Variants in CACNA1E observed in about 807,000 individuals in gnomAD.
CACNA1E encodes voltage-dependent R-type calcium channel subunit alpha-1E.
Under a neutral mutation model 259.2 loss-of-function variants are expected in CACNA1E, and 40 were observed. The ratio of observed to expected loss-of-function variants is 0.15; its 90% CI spans 0.12 to 0.20. CACNA1E has a LOEUF of 0.20. CACNA1E is among the 10% of genes least tolerant of loss of function. The probability of loss-of-function intolerance (pLI) is 1.00; values close to 1 mark genes in which losing one functional copy is unlikely to be tolerated. For synonymous variants in CACNA1E, 1,104 were observed against 1,138.5 expected, an observed-to-expected ratio of 0.97 and a Z score of 0.61; for missense variants, 1,874 against 3,040.1, an observed-to-expected ratio of 0.62 and a Z score of 9.02.
chr1:181,336,950 A>C (rs1244421103), intron 1 of CACNA1E, among the ~76,000 whole-genome samples: 2 of 149,986 alleles, frequency 1.3e-5, no homozygotes, highest in African/African-American at 4.9e-5. Flanking sequence ...ACATAGATAT[A>C]ATGCAAAGAA....
At chr1:181,740,579 G>A (rs1656474610) in intron 25 of CACNA1E, among the ~76,000 whole-genome samples, 1 of 152,184 alleles carries the variant, frequency 6.6e-6, no homozygotes, top group Non-Finnish European at 1.5e-5. Context: ...ACTCCCAGCT[G>A]TGCTAGGAGT....
At chr1:181,595,503 A>G (rs1200684200) in intron 6 of CACNA1E, among the ~76,000 whole-genome samples, 3 of 151,976 alleles carry the variant, frequency 2.0e-5, no homozygotes, top group African/African-American at 7.3e-5. Context: ...CCTTTCTCCT[A>G]GTGTTTTCAG....
chr1:181,501,050 T>C (rs1490887475), intron 1 of CACNA1E, among the ~76,000 whole-genome samples: 1 of 152,248 alleles, frequency 6.6e-6, no homozygotes, highest in African/African-American at 2.4e-5. Flanking sequence ...AATTCTCGTT[T>C]CTGAAACAGG....
At chr1:181,748,267 G>C (rs1657283092) in intron 25 of CACNA1E, among the ~76,000 whole-genome samples, 1 of 152,132 alleles carries the variant, frequency 6.6e-6, no homozygotes, top group Non-Finnish European at 1.5e-5. Flanking sequence ...TACCATTAAG[G>C]AACCCTGTTT....
chr1:181,444,087 A>AT (rs1660658049), intron 2 of CACNA1E, among the ~76,000 whole-genome samples: 1 of 151,994 alleles, frequency 6.6e-6, no homozygotes, highest in Admixed American at 6.5e-5. Context: ...TGGTTCATCT[A>AT]TTTTTTCTCA....
chr1:181,480,498 T>C (rs1457286834), upstream of CACNA1E, among the ~76,000 whole-genome samples: 1 of 152,216 alleles, frequency 6.6e-6, no homozygotes, highest in Non-Finnish European at 1.5e-5. Flanking sequence ...CATTTGCACA[T>C]GTAGTATCCC....
At chr1:181,634,814 A>G (rs922625478) in intron 6 of CACNA1E, among the ~76,000 whole-genome samples, 1 of 152,176 alleles carries the variant, frequency 6.6e-6, no homozygotes, top group Non-Finnish European at 1.5e-5. Context: ...CTCCTACTCC[A>G]GGTATGTCCC....
intron 7 of CACNA1E, among the ~76,000 whole-genome samples, chr1:181,663,677 T>G (rs1647913820): frequency 6.6e-6 from 1 of 152,176 alleles, no homozygotes; most frequent in Admixed American, 6.5e-5. Context: ...GTACTGGAGA[T>G]CCTCGAAAAA....
chr1:181,423,563 T>C (rs631583), intron 2 of CACNA1E, among the ~76,000 whole-genome samples: 95,058 of 152,062 alleles, frequency 0.63, 30,766 homozygotes, highest in African/African-American at 0.79. Context: ...ACAGTCTCAC[T>C]GGCATTCACA....
chr1:181,545,833 C>G (rs574514358), intron 3 of CACNA1E, among the ~76,000 whole-genome samples: 2 of 152,206 alleles, frequency 1.3e-5, no homozygotes, highest in African/African-American at 4.8e-5. Flanking sequence ...TTTTCTTGGC[C>G]CAAGGCTCCC....
intron 18 of CACNA1E, among the ~76,000 whole-genome samples, chr1:181,730,548 G>A (rs1213488941): frequency 6.6e-6 from 1 of 152,226 alleles, no homozygotes; most frequent in Non-Finnish European, 1.5e-5. Flanking sequence ...CAGGGTCTAT[G>A]GCCAGGGCCT....
chr1:181,775,502 C>T (rs1276744408), intron 37 of CACNA1E, among the ~76,000 whole-genome samples: 1 of 152,190 alleles, frequency 6.6e-6, no homozygotes, highest in Non-Finnish European at 1.5e-5. Flanking sequence ...GCAAATGTCA[C>T]TTTATCTCTC....
In CACNA1E at chr1:181,569,073, C is replaced by T. The variant is rs1285168102; in HGVS notation, c.513-8693C>T. Among the ~76,000 whole-genome samples, 2 of 152,242 alleles carry T rather than the reference C, an allele frequency of 1.3e-5. 1 individual carries two copies. Among genetic ancestry groups the T allele is most frequent in the Non-Finnish European group, 2.9e-5 (2 of 68,046 alleles). ...TTCCCACATTGTTTCCTCTGACCTA[C>T]TCCAGCTTCACTTTTTAGCTCATCT... On this transcript the variant is annotated intron_variant, in intron 3 of 47. Coordinates refer to ENST00000367573, the MANE Select transcript of CACNA1E (RefSeq NM_001205293.3).
chr1:181,641,744 C>T (rs1402626909), intron 6 of CACNA1E, among the ~76,000 whole-genome samples: 1 of 120,714 alleles, frequency 8.3e-6, no homozygotes, highest in African/African-American at 3.4e-5. Context: ...GACAGAGTCT[C>T]GCTCTGTCAC....
chr1:181,691,569 A>G (rs753215930), intron 7 of CACNA1E, among the ~76,000 whole-genome samples: 4 of 152,170 alleles, frequency 2.6e-5, no homozygotes, highest in Non-Finnish European at 2.9e-5. Context: ...CCAAAAAACC[A>G]TATGATCATC....
At chr1:181,515,296 C>T (rs1666492063) in intron 3 of CACNA1E, among the ~76,000 whole-genome samples, 1 of 152,150 alleles carries the variant, frequency 6.6e-6, no homozygotes, top group Admixed American at 6.6e-5. Flanking sequence ...GGATGAGACT[C>T]CCTGCTCTGT....
chr1:181,323,558 C>T (rs1293422259), intron 1 of CACNA1E, among the ~76,000 whole-genome samples: 1 of 152,182 alleles, frequency 6.6e-6, no homozygotes, highest in Non-Finnish European at 1.5e-5. Flanking sequence ...CTTTCTCCCT[C>T]TCTTACCCTT....
intron 1 of CACNA1E, among the ~76,000 whole-genome samples, chr1:181,402,733 T>G (rs1010256392): frequency 1.3e-5 from 2 of 152,130 alleles, no homozygotes; most frequent in Non-Finnish European, 2.9e-5. Context: ...TGCACACACA[T>G]GTACATATGT....
intron 2 of CACNA1E, among the ~76,000 whole-genome samples, chr1:181,434,108 T>A (rs1039056659): frequency 1.3e-5 from 2 of 152,230 alleles, no homozygotes; most frequent in African/African-American, 4.8e-5. Context: ...TTGACTTTCC[T>A]ACTTGGCTCA....
Sources: gnomAD v4.1 joint callset for allele counts (sites outside exome capture counted in the v4.1 genomes callset) on GRCh38, gnomAD v4.1.1 for gene constraint, MANE v1.5 for transcripts, NCBI Gene and HGNC (gene_info 2026-07-23, HGNC 2026-07-21) for gene names.